The following CATSPERE variants were observed in gnomAD, a reference collection of about 807,000 sequenced individuals.
CATSPERE encodes cation channel sperm-associated auxiliary subunit epsilon.
CATSPERE carries 93 observed loss-of-function variants against 114.1 expected under a neutral mutation model. The observed-to-expected ratio is 0.81, with a 90% confidence interval of 0.69 to 0.97. CATSPERE has a LOEUF of 0.97. Ranked by LOEUF, CATSPERE falls within the 50% of genes least tolerant of loss-of-function variation. CATSPERE has a pLI of 0.00. For synonymous variants in CATSPERE, 341 were observed against 384.1 expected, an observed-to-expected ratio of 0.89 and a Z score of 1.31; for missense variants, 1,058 against 1,131.6, an observed-to-expected ratio of 0.93 and a Z score of 0.93.
intron 8 of CATSPERE, among the ~76,000 whole-genome samples, chr1:244,541,264 A>G (rs1658664709): frequency 6.6e-6 from 1 of 150,386 alleles, no homozygotes; most frequent in African/African-American, 2.4e-5. Flanking sequence ...TCATCTGACA[A>G]AGGGCTAATA....
chr1:244,457,786 A>G (rs1666291852), upstream of CATSPERE, among the ~76,000 whole-genome samples: 1 of 152,208 alleles, frequency 6.6e-6, no homozygotes, highest in African/African-American at 2.4e-5. Context: ...CTAAAGTCCA[A>G]AAATGACATT....
At chr1:244,522,163 A>G (rs959453083) in intron 8 of CATSPERE, among the ~76,000 whole-genome samples, 3 of 152,210 alleles carry the variant, frequency 2.0e-5, no homozygotes, top group African/African-American at 7.2e-5. Context: ...ATCAAACTAG[A>G]ACTCAGGATT....
chr1:244,474,602 G>T (rs1277241000), intron 2 of CATSPERE, among the ~76,000 whole-genome samples: 1 of 151,664 alleles, frequency 6.6e-6, no homozygotes, highest in Non-Finnish European at 1.5e-5. Context: ...TTATTGCTCT[G>T]TTCCAAACAT....
Position 244,479,732 on chromosome 1 carries a change from T to C in CATSPERE, c.274T>C (p.Tyr92His). ...TTTCTTTTAGGATGAAGAAGAACGC[T>C]ATTTATTTGTGGAAAGTTCTCATAC... ...IVTGPDEEERYLFVESSHTCF... is the reference protein window; with the variant it reads ...IVTGPDEEERHLFVESSHTCF... Residue 92 changes from tyrosine (Y) to histidine (H), a missense_variant, in exon 5 of 22, where the codon TAT becomes CAT. Coordinates refer to ENST00000366534, the MANE Select transcript of CATSPERE (RefSeq NM_001130957.2). The C allele has an allele frequency of 6.2e-7, 1 of 1,600,524 alleles. No homozygotes were observed. Among genetic ancestry groups the C allele is most frequent in the South Asian group, 1.1e-5 (1 of 89,726 alleles).
chr1:244,618,924 A>G (rs1441608772), intron 20 of CATSPERE, among the ~76,000 whole-genome samples: 1 of 152,258 alleles, frequency 6.6e-6, no homozygotes, highest in Admixed American at 6.5e-5. Flanking sequence ...GAGAGATTCT[A>G]TTGATCTAAC....
intron 7 of CATSPERE, among the ~76,000 whole-genome samples, chr1:244,499,305 ATTTTCTT>A (rs1673626873): frequency 6.6e-6 from 1 of 151,864 alleles, no homozygotes; most frequent in South Asian, 2.1e-4. Flanking sequence ...CATTCTTCAT[ATTTTCTT>A]TTTTCTTTTT....
chr1:244,550,138 A>G (rs915719997), intron 8 of CATSPERE, among the ~76,000 whole-genome samples: 2 of 151,802 alleles, frequency 1.3e-5, no homozygotes, highest in African/African-American at 4.8e-5. Flanking sequence ...TGGTTCTCAC[A>G]CCTTTGGACT....
intron 7 of CATSPERE, among the ~76,000 whole-genome samples, chr1:244,501,279 T>C (rs1340513731): frequency 6.6e-6 from 1 of 152,228 alleles, no homozygotes; most frequent in Non-Finnish European, 1.5e-5. Flanking sequence ...TAATCACTTA[T>C]TGAATCCTTT....
chr1:244,495,658 T>C (rs1406311096), intron 6 of CATSPERE, among the ~76,000 whole-genome samples: 1 of 152,110 alleles, frequency 6.6e-6, no homozygotes, highest in Non-Finnish European at 1.5e-5. Context: ...GAGTCAGAGA[T>C]TGCAGTGAGC....
chr1:244,451,524 A>C, upstream of CATSPERE: 94 of 1,004,624 alleles, frequency 9.4e-5, no homozygotes, highest in Middle Eastern at 3.0e-4. This position sits in a 1 kb window ranked among gnomAD's most constrained non-coding sequence, Gnocchi z 6.6. Context: ...TCAAGGTGAC[A>C]CCTCATTTTG....
chr1:244,623,701 CAT>C (rs765491609), intron 20 of CATSPERE, among the ~76,000 whole-genome samples: 21 of 152,238 alleles, frequency 1.4e-4, no homozygotes, highest in South Asian at 2.1e-4. Context: ...TAAAGCGAGT[CAT>C]GTGAATTTTT....
chr1:244,614,268 G>C (rs145527188), intron 19 of CATSPERE, among the ~76,000 whole-genome samples: 2 of 152,364 alleles, frequency 1.3e-5, no homozygotes, highest in Non-Finnish European at 2.9e-5. Context: ...CACCCTGCAC[G>C]TGAGTCAAGC....
intron 8 of CATSPERE, among the ~76,000 whole-genome samples, chr1:244,541,452 G>A (rs1440250789): frequency 1.6e-4 from 24 of 149,534 alleles, no homozygotes; most frequent in South Asian, 4.3e-4. Flanking sequence ...CAAAACCACA[G>A]TGAGATACCA....
intron 2 of CATSPERE, 118 bp from the exon 3 acceptor site, chr1:244,477,423 A>C (rs903290379): frequency 3.1e-6 from 2 of 654,068 alleles, no homozygotes; most frequent in Admixed American, 5.2e-5. Flanking sequence ...AAGGGAATTG[A>C]ATTTTAGTTA....
intron 7 of CATSPERE, among the ~76,000 whole-genome samples, chr1:244,508,467 A>AT (rs539739228): frequency 7.2e-4 from 108 of 150,398 alleles, no homozygotes; most frequent in African/African-American, 2.4e-3. Flanking sequence ...CGCCCAGCTA[A>AT]TTTTTTTTTA....
rs188791482 is a variant in CATSPERE, at chr1:244,490,843, A to G, written c.351+372A>G. ...CTTTTGAAAAATAGTTATTTTTCATAAAAATACGTTAATTAACATATAATA... is the reference window on the plus strand; with the variant it reads ...CTTTTGAAAAATAGTTATTTTTCATGAAAATACGTTAATTAACATATAATA... On this transcript the variant is annotated intron_variant, in intron 6 of 21. Transcript: ENST00000366534. Among the ~76,000 whole-genome samples the G allele has an allele frequency of 4.2e-3, 642 of 152,312 alleles. 1 individual carries two copies. Among genetic ancestry groups the G allele is most frequent in the Non-Finnish European group, 7.4e-3 (501 of 68,022 alleles).
intron 2 of CATSPERE, among the ~76,000 whole-genome samples, chr1:244,476,159 G>C (rs1167984223): frequency 6.6e-6 from 1 of 152,040 alleles, no homozygotes; most frequent in Admixed American, 6.6e-5. Flanking sequence ...AATTTTAGGG[G>C]CCGGGTACAG....
At chr1:244,517,113 C>T in intron 7 of CATSPERE, among the ~76,000 whole-genome samples, 1 of 151,866 alleles carries the variant, frequency 6.6e-6, no homozygotes. Flanking sequence ...CTGAAGAAAA[C>T]ACTAATGTGG....
intron 8 of CATSPERE, among the ~76,000 whole-genome samples, chr1:244,528,785 C>CCACACACGCGCACACACACA (rs749801424): frequency 7.7e-6 from 1 of 130,536 alleles, no homozygotes; most frequent in African/African-American, 3.0e-5. Context: ...CAATCCCCCA[C>CCACACACGCGCACACACACA]CACACACACA....
Sources: allele counts gnomAD v4.1 joint callset (sites outside exome capture counted in the v4.1 genomes callset), GRCh38; gene constraint gnomAD v4.1.1; non-coding constraint Gnocchi (gnomAD v3.1); transcripts MANE v1.5; gene names NCBI Gene and HGNC (gene_info 2026-07-23, HGNC 2026-07-21).